The following PKIG variants were observed in gnomAD, a reference collection of about 807,000 sequenced individuals.
PKIG encodes protein kinase (cAMP-dependent, catalytic) inhibitor gamma.
PKIG carries 1 observed loss-of-function variant against 6.8 expected under a neutral mutation model. The ratio of observed to expected loss-of-function variants is 0.15; its 90% CI spans 0.05 to 0.69. The LOEUF (loss-of-function observed/expected upper bound fraction) is 0.69. Among genes scored for constraint, PKIG ranks in the 30% least tolerant of loss-of-function variants. The pLI is 0.82. For missense variants in PKIG, 77 were observed against 104.0 expected (o/e 0.74, Z 1.13); for synonymous variants, 39 against 43.0 (o/e 0.91, Z 0.36).
intron 1 of PKIG, among the ~76,000 whole-genome samples, chr20:44,562,254 T>A (rs1224057866): frequency 6.6e-6 from 1 of 152,084 alleles, no homozygotes; most frequent in Non-Finnish European, 1.5e-5. Flanking sequence ...AAAATGATAA[T>A]ACTCTGATTA....
rs574091598 is a variant in PKIG, at chr20:44,567,094, C to T, written c.-240-15491C>T. On this transcript the variant is annotated intron_variant, in intron 1 of 4. Transcript: ENST00000372887. Reference sequence around the variant, plus strand: ...AGCTGGTTTAAGCAGAAAAGCATTTCTTAAAAAAAAGTAGGGATCTTACAG... The same window carrying T: ...AGCTGGTTTAAGCAGAAAAGCATTTTTTAAAAAAAAGTAGGGATCTTACAG... Among the ~76,000 whole-genome samples, 10 of 152,168 alleles carry T rather than the reference C, an allele frequency of 6.6e-5. No individual in the cohort carries two copies. The South Asian group carries it at 2.1e-3, about 32-fold the overall frequency.
At chr20:44,610,134 G>A (rs1456202892) in intron 2 of PKIG, among the ~76,000 whole-genome samples, 2 of 152,198 alleles carry the variant, frequency 1.3e-5, no homozygotes, top group African/African-American at 2.4e-5. Context: ...AGGGCAGCGC[G>A]CAAGGCTGCT....
intron 1 of PKIG, among the ~76,000 whole-genome samples, chr20:44,588,769 A>G (rs1568824538): frequency 1.3e-5 from 2 of 152,174 alleles, no homozygotes; most frequent in African/African-American, 2.4e-5. Context: ...TTCTGTATTC[A>G]GTTTCCTTTC....
chr20:44,611,284 C>T (rs919225650), intron 2 of PKIG, among the ~76,000 whole-genome samples: 1 of 152,088 alleles, frequency 6.6e-6, no homozygotes, highest in African/African-American at 2.4e-5. Context: ...GAACTTCTGA[C>T]CTCAGGTGAA....
upstream of PKIG, among the ~76,000 whole-genome samples, chr20:44,578,364 G>C (rs1044477032): frequency 6.7e-6 from 1 of 149,944 alleles, no homozygotes. Flanking sequence ...GGGACTACAT[G>C]TGTGCACCAC....
At chr20:44,600,406 A>C (rs749922696) in intron 2 of PKIG, among the ~76,000 whole-genome samples, 2 of 152,164 alleles carry the variant, frequency 1.3e-5, no homozygotes, top group Non-Finnish European at 2.9e-5. Context: ...CTGCCATATA[A>C]AAAATAGACC....
intron 1 of PKIG, among the ~76,000 whole-genome samples, chr20:44,588,841 T>C (rs1313624610): frequency 6.6e-6 from 1 of 152,252 alleles, no homozygotes; most frequent in African/African-American, 2.4e-5. Flanking sequence ...TTTGAAAATA[T>C]CTTTTGCCCT....
chr20:44,562,246 A>G lies in PKIG; in HGVS notation c.-240-20339A>G, dbSNP rs143282517. Among the ~76,000 whole-genome samples the G allele has an allele frequency of 1.1e-4, 17 of 152,346 alleles. No individual in the cohort carries two copies. The East Asian group carries it at 3.1e-3, about 28-fold the overall frequency. ...ATGATTCTTAGAAAAGATTAATAAAAATGATAATACTCTGATTAGGTTGAT... is the reference window on the plus strand; with the variant it reads ...ATGATTCTTAGAAAAGATTAATAAAGATGATAATACTCTGATTAGGTTGAT... On this transcript the variant is annotated intron_variant, in intron 1 of 4. Transcript: ENST00000372887.
chr20:44,587,200 T>G (rs561988145), intron 1 of PKIG, among the ~76,000 whole-genome samples: 1 of 152,298 alleles, frequency 6.6e-6, no homozygotes, highest in Non-Finnish European at 1.5e-5. Context: ...GAGGAGTGAA[T>G]AATTTTAATG....
chr20:44,538,841 T>C (rs1205345993), intron 1 of PKIG, among the ~76,000 whole-genome samples: 1 of 152,190 alleles, frequency 6.6e-6, no homozygotes, highest in East Asian at 1.9e-4. Flanking sequence ...CATGCTGTAC[T>C]TGAACTCCTA....
chr20:44,532,271 A>C (rs1047000808), intron 1 of PKIG, among the ~76,000 whole-genome samples: 2 of 152,146 alleles, frequency 1.3e-5, no homozygotes, highest in Non-Finnish European at 2.9e-5. Flanking sequence ...AATAACTCAA[A>C]ACTGTGCAGA....
chr20:44,602,469 A>G (rs244091), intron 2 of PKIG, among the ~76,000 whole-genome samples: 34,768 of 152,048 alleles, frequency 0.23, 5,295 homozygotes, highest in African/African-American at 0.43. Context: ...TATATACCCT[A>G]TGCCCGGCAC....
intron 3 of PKIG, 144 bp from the exon 4 acceptor site, chr20:44,618,141 A>G (rs1182978779): frequency 7.4e-6 from 5 of 678,912 alleles, no homozygotes; most frequent in South Asian, 1.6e-5. Context: ...TCCATAGGCC[A>G]CCACCACCTC....
chr20:44,579,077 T>C (rs2064925302), upstream of PKIG, among the ~76,000 whole-genome samples: 1 of 152,176 alleles, frequency 6.6e-6, no homozygotes, highest in South Asian at 2.1e-4. Context: ...AGTTTTGGGG[T>C]TTGTTTATGG....
At chr20:44,538,428 T>A (rs530499223) in intron 1 of PKIG, among the ~76,000 whole-genome samples, 2 of 152,328 alleles carry the variant, frequency 1.3e-5, no homozygotes, top group Admixed American at 6.5e-5. Flanking sequence ...TATTTTCTTC[T>A]TATATTTTAG....
intron 1 of PKIG, among the ~76,000 whole-genome samples, chr20:44,547,111 T>C (rs1195108017): frequency 1.3e-5 from 2 of 152,200 alleles, no homozygotes; most frequent in East Asian, 3.9e-4. Context: ...GTGCTCAATT[T>C]ATGTTCATGG....
intron 1 of PKIG, chr20:44,585,347 G>A (rs1160187972): frequency 2.0e-5 from 3 of 152,372 alleles, no homozygotes; most frequent in Admixed American, 2.0e-4. Flanking sequence ...GGGAGTGGAG[G>A]TAGGTTGTGG....
At chr20:44,606,399 G>A (rs1309415686) in intron 2 of PKIG, among the ~76,000 whole-genome samples, 1 of 152,170 alleles carries the variant, frequency 6.6e-6, no homozygotes, top group Admixed American at 6.5e-5. Context: ...GGATTGCTAT[G>A]GTTTGAATGT....
intron 1 of PKIG, among the ~76,000 whole-genome samples, chr20:44,574,346 G>T (rs951342360): frequency 1.3e-5 from 2 of 151,612 alleles, no homozygotes; most frequent in African/African-American, 4.8e-5. Flanking sequence ...TCGAGATATG[G>T]TTTTTTTTAA....
Sources: allele counts gnomAD v4.1 joint callset (sites outside exome capture counted in the v4.1 genomes callset), GRCh38; gene constraint gnomAD v4.1.1; transcripts MANE v1.5; gene names NCBI Gene and HGNC (gene_info 2026-07-23, HGNC 2026-07-21).